Variants in GPHN observed in about 807,000 individuals in gnomAD.
GPHN encodes gephyrin.
In GPHN, 17 loss-of-function variants were observed where a neutral mutation model predicts 95.5. That is an observed-to-expected ratio of 0.18 (90% confidence interval 0.12 to 0.27). The LOEUF is 0.27. Ranked by LOEUF, GPHN falls within the 10% of genes least tolerant of loss-of-function variation. GPHN has a pLI of 1.00. For synonymous variants in GPHN, 320 were observed against 322.5 expected (o/e 0.99, Z 0.08); for missense variants, 660 against 978.1 (o/e 0.67, Z 4.34).
chr14:67,208,351 A>G, the GPHN span: 5 of 1,614,050 alleles, frequency 3.1e-6, no homozygotes, highest in African/African-American at 6.7e-5. Flanking sequence ...TGACCCCAGT[A>G]GAAAGTGAGG....
chr14:67,319,766 C>A, the GPHN span, among the ~76,000 whole-genome samples: 1 of 152,202 alleles, frequency 6.6e-6, no homozygotes, highest in Admixed American at 6.6e-5. Flanking sequence ...TTCCAGCTTT[C>A]TCTGATAACA....
rs560485576 is a variant in GPHN at position 67,057,413 on chromosome 14, G to C, written c.1007-1236G>C. On this transcript the variant is annotated intron_variant, in intron 10 of 22. Coordinates refer to ENST00000478722, the MANE Select transcript of GPHN (RefSeq NM_020806.5). The stretch of plus-strand genomic sequence containing the variant: ...ACAAGAACACATGGGCACATGGGTG[G>C]GGGGGGCAACAGCACACACTGGGTC... 4.0e-5 allele frequency among the ~76,000 whole-genome samples: 6 copies of C among 151,480 alleles called. 1 individual carries two copies. Among genetic ancestry groups the C allele is most frequent in the South Asian group, 4.2e-4 (2 of 4,778 alleles).
intron 2 of GPHN, among the ~76,000 whole-genome samples, chr14:66,774,854 TA>T (rs2059326215): frequency 6.6e-6 from 1 of 152,246 alleles, no homozygotes; most frequent in African/African-American, 2.4e-5. Flanking sequence ...TTGGAAATGA[TA>T]TAAAAGTATA....
At chr14:67,372,544 A>G in the GPHN span, among the ~76,000 whole-genome samples, 1 of 152,226 alleles carries the variant, frequency 6.6e-6, no homozygotes, top group Non-Finnish European at 1.5e-5. Context: ...AAAATCCTGT[A>G]TCTAGGCTGG....
chr14:66,556,827 G>A (rs1396967721), intron 1 of GPHN, among the ~76,000 whole-genome samples: 3 of 152,042 alleles, frequency 2.0e-5, no homozygotes, highest in Admixed American at 6.6e-5. Flanking sequence ...AACTGTTATA[G>A]TATCTTTGGG....
chr14:67,080,589 G>GT (rs1245064239), intron 11 of GPHN, among the ~76,000 whole-genome samples: 4 of 151,722 alleles, frequency 2.6e-5, no homozygotes, highest in Non-Finnish European at 4.4e-5. Flanking sequence ...CTTTGTTGTT[G>GT]TTTTTTTCAC....
the GPHN span, chr14:67,557,321 C>CT: frequency 1.9e-6 from 3 of 1,613,706 alleles, no homozygotes; most frequent in South Asian, 3.3e-5. Context: ...AATGTGGACT[C>CT]TGAGGGGAGC....
the GPHN span, among the ~76,000 whole-genome samples, chr14:67,672,194 C>G: frequency 2.0e-4 from 30 of 151,302 alleles, no homozygotes; most frequent in Non-Finnish European, 4.4e-4. Flanking sequence ...TCTTGGCTCA[C>G]TGCAACCTCC....
intron 2 of GPHN, among the ~76,000 whole-genome samples, chr14:66,723,030 T>C (rs2070894493): frequency 6.6e-6 from 1 of 152,126 alleles, no homozygotes; most frequent in Non-Finnish European, 1.5e-5. Context: ...CTTGAATACT[T>C]TGCATATAGG....
chr14:67,490,812 T>A, the GPHN span, among the ~76,000 whole-genome samples: 1 of 151,692 alleles, frequency 6.6e-6, no homozygotes, highest in African/African-American at 2.4e-5. Context: ...TCCCCAAATC[T>A]CCCTGTAAAG....
intron 1 of GPHN, among the ~76,000 whole-genome samples, chr14:66,680,272 C>A (rs1472725474): frequency 1.3e-5 from 2 of 152,120 alleles, no homozygotes. Flanking sequence ...TCTGGCTCCC[C>A]ACCCACTAAG....
At chr14:67,004,213 T>G (rs1232819923) in intron 9 of GPHN, among the ~76,000 whole-genome samples, 1 of 151,738 alleles carries the variant, frequency 6.6e-6, no homozygotes, top group Non-Finnish European at 1.5e-5. Context: ...CCAAATATGT[T>G]TAGAAAACAT....
the GPHN span, among the ~76,000 whole-genome samples, chr14:67,267,044 G>T: frequency 6.6e-6 from 1 of 151,920 alleles, no homozygotes; most frequent in Non-Finnish European, 1.5e-5. Context: ...GGAGGCAGAG[G>T]TTCCAGTGAG....
chr14:67,290,318 C>CT, the GPHN span, among the ~76,000 whole-genome samples: 1 of 152,290 alleles, frequency 6.6e-6, no homozygotes, highest in Admixed American at 6.5e-5. Context: ...TAATGCTACT[C>CT]TAACAAAACA....
chr14:67,638,775 T>C, the GPHN span, among the ~76,000 whole-genome samples: 1 of 152,232 alleles, frequency 6.6e-6, no homozygotes, highest in African/African-American at 2.4e-5. Flanking sequence ...ACAAGGTTGC[T>C]GAGTGCATAG....
At chr14:66,875,879 C>A (rs904022315) in intron 4 of GPHN, among the ~76,000 whole-genome samples, 6 of 151,968 alleles carry the variant, frequency 3.9e-5, no homozygotes, top group African/African-American at 1.4e-4. Context: ...TTAGGACTTA[C>A]ACTCAGCTCT....
chr14:67,318,736 C>T, the GPHN span, among the ~76,000 whole-genome samples: 9 of 152,216 alleles, frequency 5.9e-5, no homozygotes, highest in African/African-American at 2.2e-4. Flanking sequence ...CTCACAAACT[C>T]CTTGAGGTTA....
chr14:66,538,961 T>G (rs2059244760), intron 1 of GPHN, among the ~76,000 whole-genome samples: 1 of 152,172 alleles, frequency 6.6e-6, no homozygotes, highest in African/African-American at 2.4e-5. Context: ...TAGGCCAATT[T>G]AATTAGAGTT....
At chr14:67,054,911 G>A (rs969992110) in intron 10 of GPHN, among the ~76,000 whole-genome samples, 6 of 152,000 alleles carry the variant, frequency 3.9e-5, no homozygotes, top group East Asian at 3.9e-4. Context: ...AATTGAAACC[G>A]GACCCTTTCC....
Sources: gnomAD v4.1 joint callset for allele counts (sites outside exome capture counted in the v4.1 genomes callset) on GRCh38, gnomAD v4.1.1 for gene constraint, MANE v1.5 for transcripts, NCBI Gene and HGNC (gene_info 2026-07-23, HGNC 2026-07-21) for gene names.